GLE1: variants seen among roughly 807,000 people sequenced by gnomAD.
GLE1 encodes the protein mRNA export factor GLE1.
Under a neutral mutation model 97.3 loss-of-function variants are expected in GLE1, and 78 were observed. That is an observed-to-expected ratio of 0.80 (90% CI 0.67 to 0.97). The LOEUF is 0.97. Among genes scored for constraint, GLE1 ranks in the 50% least tolerant of loss-of-function variants. The probability of loss-of-function intolerance (pLI) is 0.00; values close to 1 mark genes in which losing one functional copy is unlikely to be tolerated. For missense variants in GLE1, 753 were observed against 857.5 expected (o/e 0.88, Z 1.52); for synonymous variants, 302 against 313.4 (o/e 0.96, Z 0.39).
intron 6 of GLE1, among the ~76,000 whole-genome samples, 190 bp from the exon 7 acceptor site, chr9:128,525,002 A>G (rs770778728): frequency 6.6e-6 from 1 of 152,208 alleles, no homozygotes; most frequent in African/African-American, 2.4e-5. Flanking sequence ...ATTTATACTT[A>G]GAAACTATGG....
chr9:128,521,442 G>A (rs1008039040), intron 3 of GLE1, among the ~76,000 whole-genome samples: 1 of 152,110 alleles, frequency 6.6e-6, no homozygotes, highest in Non-Finnish European at 1.5e-5. Context: ...GCTGAGTTGG[G>A]ATGATCCCTT....
At chr9:128,514,607 C>T (rs1029671168) in intron 2 of GLE1, among the ~76,000 whole-genome samples, 3 of 151,952 alleles carry the variant, frequency 2.0e-5, no homozygotes, top group Non-Finnish European at 4.4e-5. Context: ...CATGCCTAGG[C>T]ACGTGCCACC....
rs75689053 is a variant in GLE1 at position 128,513,221 on chromosome 9, A to G, written c.322-2308A>G. On this transcript the variant is annotated intron_variant, in intron 2 of 15. Transcript: ENST00000309971. ...TGACATTATTTATTATTATTTTTCA[A>G]ACATCTCCCCCACATAGGATTGATT... Among the ~76,000 whole-genome samples, 1,461 of 151,844 alleles carry G rather than the reference A, an allele frequency of 9.6e-3. 29 individuals carry two copies. Among genetic ancestry groups the G allele is most frequent in the East Asian group, 0.072 (372 of 5,146 alleles).
Position 128,522,741 on chromosome 9 carries a change from T to C in GLE1, c.506T>C (p.Leu169Pro). The change falls in exon 4 of 16, where the codon CTG becomes CCG. Residue 169 changes from leucine to proline, a missense_variant. Leu to Pro is a moderately conservative substitution (Grantham distance 98, BLOSUM62 -3). Coordinates refer to ENST00000309971, the MANE Select transcript of GLE1 (RefSeq NM_001003722.2). ...QALSEMASEQ[L>P]KRFDEWKELK... ...CTCTCGGAGATGGCATCTGAACAAC[T>C]GAAGCGGTTTGATGAATGGAAGGAA... is the stretch of plus-strand genomic sequence containing the variant. 6.2e-7 allele frequency: 1 copy of C among 1,612,056 alleles called. No homozygotes were observed. Among genetic ancestry groups the C allele is most frequent in the Non-Finnish European group, 8.5e-7 (1 of 1,179,634 alleles).
rs754974982 is a variant in GLE1 at position 128,522,651 on chromosome 9, A to C, written c.433-17A>C. 2.6e-5 allele frequency: 41 copies of C among 1,603,554 alleles called. 2 individuals carry two copies. The South Asian group carries it at 3.3e-4, about 13-fold the overall frequency. ...ATTCCATCTTAAAAAAAAAAAAAAA[A>C]AAAAAAACCTTTTCAGGAGGGCCTG... On this transcript the variant is annotated splice_polypyrimidine_tract_variant and intron_variant, in intron 3 of 15. Transcript: ENST00000309971.
intron 3 of GLE1, among the ~76,000 whole-genome samples, chr9:128,520,027 G>A (rs1847093959): frequency 6.6e-6 from 1 of 152,054 alleles, no homozygotes; most frequent in Non-Finnish European, 1.5e-5. Context: ...TGAGGCGGGA[G>A]GATCACAAGG....
chr9:128,531,831 C>CA (rs1206684667), intron 9 of GLE1, among the ~76,000 whole-genome samples: 17,936 of 51,340 alleles, frequency 0.35, 3,187 homozygotes, highest in African/African-American at 0.46. Flanking sequence ...GACTCCAGCT[C>CA]AAAAAAAAAA....
intron 9 of GLE1, chr9:128,532,831 C>A (rs1847563069): frequency 5.9e-6 from 1 of 169,694 alleles, no homozygotes; most frequent in Non-Finnish European, 1.2e-5. Flanking sequence ...CACACAAAAT[C>A]TTTGGTACAA....
chr9:128,511,232 AAAT>A (rs1233448954), intron 2 of GLE1, among the ~76,000 whole-genome samples: 2 of 149,606 alleles, frequency 1.3e-5, no homozygotes, highest in Admixed American at 6.7e-5. Flanking sequence ...GAGACTGAGT[AAAT>A]AATAACAACA....
chr9:128,536,259 C>T (rs1301756608), intron 11 of GLE1, 96 bp from the exon 12 acceptor site: 5 of 922,740 alleles, frequency 5.4e-6, no homozygotes, highest in Non-Finnish European at 8.7e-6. Flanking sequence ...GTCTTGAACT[C>T]CTGGCCTCAA....
At chr9:128,539,873 C>CTTA in intron 14 of GLE1, 175 bp downstream of exon 14, 2 of 1,505,722 alleles carry the variant, frequency 1.3e-6, no homozygotes, top group Non-Finnish European at 1.8e-6. Context: ...GCTTTTGAAC[C>CTTA]TTAATGAGAG....
Position 128,533,500 on chromosome 9 carries a change from CTA to C in GLE1, c.1313-11_1313-10del. The C allele has an allele frequency of 1.3e-6, 2 of 1,519,830 alleles. No homozygotes were observed. Among genetic ancestry groups the C allele is most frequent in the Middle Eastern group, 1.7e-4 (1 of 5,816 alleles). The allele number at this position is 1,519,830 out of a possible 1,614,324, so 94.1% of individuals were successfully genotyped here. On this transcript the variant is annotated splice_polypyrimidine_tract_variant and intron_variant, in intron 9 of 15. Coordinates refer to ENST00000309971, the MANE Select transcript of GLE1 (RefSeq NM_001003722.2). The stretch of plus-strand genomic sequence containing the variant: ...TGTGGTTATATCTTTTAATTTCTCT[CTA>C]TCATGCTCAGGCTCAAAACTGAAGG...
intron 14 of GLE1, 183 bp downstream of exon 14, chr9:128,539,881 G>A: frequency 6.7e-7 from 1 of 1,495,550 alleles, no homozygotes; most frequent in Non-Finnish European, 8.9e-7. Flanking sequence ...ACCTTAATGA[G>A]AGTCTGTCTT....
intron 14 of GLE1, 113 bp from the exon 15 acceptor site, chr9:128,540,162 G>C: frequency 1.3e-6 from 1 of 778,494 alleles, no homozygotes. Context: ...GCCTCGGTGA[G>C]CTATGATCGC....
At chr9:128,512,056 C>T (rs1177036492) in intron 2 of GLE1, among the ~76,000 whole-genome samples, 1 of 152,128 alleles carries the variant, frequency 6.6e-6, no homozygotes, top group African/African-American at 2.4e-5. Flanking sequence ...GTGATCTGCC[C>T]AACTTGGCCT....
At chr9:128,515,723 G>C in intron 3 of GLE1, 84 bp downstream of exon 3, 1 of 751,264 alleles carries the variant, frequency 1.3e-6, no homozygotes, top group Admixed American at 2.0e-5. Flanking sequence ...AATGGGCACT[G>C]TATGCTACTC....
At chr9:128,508,023 G>C (rs1157743814) in intron 1 of GLE1, among the ~76,000 whole-genome samples, 1 of 151,086 alleles carries the variant, frequency 6.6e-6, no homozygotes, top group Admixed American at 6.6e-5. Flanking sequence ...TCTACTAAAA[G>C]TACAAAATTA....
chr9:128,505,457 T>C (rs1242543321), intron 1 of GLE1, among the ~76,000 whole-genome samples: 1 of 152,172 alleles, frequency 6.6e-6, no homozygotes, highest in African/African-American at 2.4e-5. Flanking sequence ...AGATAAGGCG[T>C]TGTCCTGCAT....
chr9:128,519,846 G>T (rs2132444047), intron 3 of GLE1, among the ~76,000 whole-genome samples: 1 of 152,250 alleles, frequency 6.6e-6, no homozygotes, highest in Middle Eastern at 3.4e-3. Flanking sequence ...GACATGTGAT[G>T]TCTCCCCCGG....
Sources: gnomAD v4.1 joint callset for allele counts (sites outside exome capture counted in the v4.1 genomes callset) on GRCh38, gnomAD v4.1.1 for gene constraint, MANE v1.5 for transcripts, NCBI Gene and HGNC (gene_info 2026-07-23, HGNC 2026-07-21) for gene names.